The following MAGI2 variants were observed in gnomAD, a reference collection of about 807,000 sequenced individuals.
MAGI2 encodes the protein membrane-associated guanylate kinase, WW and PDZ domain-containing protein 2.
Under a neutral mutation model 133.3 loss-of-function variants are expected in MAGI2, and 35 were observed. That is an observed-to-expected ratio of 0.26 (90% CI 0.20 to 0.35). MAGI2 has a LOEUF of 0.35. MAGI2 is among the 10% of genes least tolerant of loss of function. The probability of loss-of-function intolerance (pLI) is 1.00; values close to 1 mark genes in which losing one functional copy is unlikely to be tolerated. For missense variants in MAGI2, 1,636 were observed against 1,863.4 expected, an observed-to-expected ratio of 0.88 and a Z score of 2.25; for synonymous variants, 729 against 710.6, an observed-to-expected ratio of 1.03 and a Z score of -0.41.
At chr7:78,080,946 T>C (rs532027680) in intron 20 of MAGI2, among the ~76,000 whole-genome samples, 62 of 152,278 alleles carry the variant, frequency 4.1e-4, no homozygotes, top group Middle Eastern at 6.8e-3. Flanking sequence ...ATTCCAGTAT[T>C]CCCCTGTCCC....
intron 21 of MAGI2, among the ~76,000 whole-genome samples, chr7:78,041,980 G>A (rs892379757): frequency 5.3e-5 from 8 of 152,278 alleles, no homozygotes; most frequent in African/African-American, 1.9e-4. Context: ...GCCGCATTGC[G>A]GACTGGCAGA....
chr7:79,449,783 T>C (rs62459011), intron 1 of MAGI2, among the ~76,000 whole-genome samples: 377 of 151,642 alleles, frequency 2.5e-3, no homozygotes, highest in Non-Finnish European at 4.7e-3. Flanking sequence ...GCAGAAAGCT[T>C]AAATTAAAAA....
chr7:79,120,853 T>C (rs1819833079), intron 1 of MAGI2, among the ~76,000 whole-genome samples: 1 of 152,100 alleles, frequency 6.6e-6, no homozygotes, highest in Non-Finnish European at 1.5e-5. Flanking sequence ...CCGAAACTAC[T>C]TCTCTCCCAT....
intron 21 of MAGI2, among the ~76,000 whole-genome samples, chr7:78,074,800 T>C (rs914616511): frequency 6.6e-6 from 1 of 152,216 alleles, no homozygotes; most frequent in African/African-American, 2.4e-5. Flanking sequence ...GGAGGAATTA[T>C]GGTGTTCCTA....
chr7:79,116,466 G>A (rs1819421416), intron 1 of MAGI2, among the ~76,000 whole-genome samples: 2 of 152,136 alleles, frequency 1.3e-5, no homozygotes, highest in African/African-American at 4.8e-5. Flanking sequence ...CTTCCTGGGA[G>A]GCCTATTGCT....
intron 21 of MAGI2, among the ~76,000 whole-genome samples, chr7:78,053,131 C>G (rs1303743090): frequency 2.0e-5 from 3 of 152,204 alleles, no homozygotes; most frequent in Non-Finnish European, 2.9e-5. Flanking sequence ...CTATAATTAA[C>G]ATGCAGTATT....
In MAGI2 at chr7:79,234,333, C is replaced by T. The variant is rs865819736; in HGVS notation, c.301+218687G>A. Reference sequence around the variant, plus strand: ...GTTCTCTGTATTTCCTGAATCTGAACGTTGGCCTGCCTTGTTAGATTGGGG... The same window carrying T: ...GTTCTCTGTATTTCCTGAATCTGAATGTTGGCCTGCCTTGTTAGATTGGGG... On this transcript the variant is annotated intron_variant, in intron 1 of 21. Coordinates refer to ENST00000354212, the MANE Select transcript of MAGI2 (RefSeq NM_012301.4). 6.7e-3 allele frequency among the ~76,000 whole-genome samples: 1,021 copies of T among 151,410 alleles called. 2 individuals carry two copies. Among genetic ancestry groups the T allele is most frequent in the Middle Eastern group, 0.017 (5 of 294 alleles).
chr7:78,242,162 A>G (rs186892811), intron 10 of MAGI2, among the ~76,000 whole-genome samples: 23 of 152,320 alleles, frequency 1.5e-4, no homozygotes, highest in Non-Finnish European at 2.9e-4. Context: ...GTTCTGGCCA[A>G]TTGAATGTGG....
chr7:78,415,945 T>A (rs897673359), intron 6 of MAGI2, among the ~76,000 whole-genome samples: 1 of 152,102 alleles, frequency 6.6e-6, no homozygotes, highest in South Asian at 2.1e-4. Flanking sequence ...CCAAGATGGA[T>A]AGAAATTTCT....
chr7:78,504,566 A>G (rs1794920945), intron 4 of MAGI2, among the ~76,000 whole-genome samples: 1 of 152,192 alleles, frequency 6.6e-6, no homozygotes. Flanking sequence ...CAATGTGAGG[A>G]TAAGGTGGCC....
intron 10 of MAGI2, among the ~76,000 whole-genome samples, chr7:78,207,605 T>C (rs1403868988): frequency 6.6e-6 from 1 of 152,206 alleles, no homozygotes; most frequent in East Asian, 1.9e-4. Context: ...CTGATTCATG[T>C]ATTCCTTATT....
intron 2 of MAGI2, among the ~76,000 whole-genome samples, chr7:78,635,295 T>C (rs987337256): frequency 2.6e-5 from 4 of 152,344 alleles, no homozygotes; most frequent in Non-Finnish European, 5.9e-5. Context: ...TTTTTTGTCT[T>C]AGGAAGAAAA....
intron 1 of MAGI2, among the ~76,000 whole-genome samples, chr7:79,270,894 A>G (rs911301449): frequency 2.0e-5 from 3 of 152,060 alleles, no homozygotes; most frequent in Non-Finnish European, 2.9e-5. Context: ...TACATTTGAC[A>G]CTACCAATTT....
At chr7:79,294,041 G>C (rs945943423) in intron 1 of MAGI2, among the ~76,000 whole-genome samples, 1 of 152,014 alleles carries the variant, frequency 6.6e-6, no homozygotes, top group Non-Finnish European at 1.5e-5. Context: ...AAATTAGCCA[G>C]GTGTGCTGGC....
chr7:79,150,507 T>C (rs1045283685), intron 1 of MAGI2, among the ~76,000 whole-genome samples: 8 of 152,232 alleles, frequency 5.3e-5, no homozygotes, highest in Non-Finnish European at 7.3e-5. Flanking sequence ...CAGAAATTTA[T>C]ACTTGTCAAA....
chr7:78,912,613 A>G (rs950350112), intron 2 of MAGI2, among the ~76,000 whole-genome samples: 1 of 151,838 alleles, frequency 6.6e-6, no homozygotes, highest in African/African-American at 2.4e-5. Flanking sequence ...TTGGACTCCA[A>G]GTTCTTCAGT....
intron 1 of MAGI2, among the ~76,000 whole-genome samples, chr7:79,309,154 G>A (rs891920309): frequency 5.9e-5 from 9 of 151,634 alleles, no homozygotes; most frequent in African/African-American, 2.2e-4. Flanking sequence ...TTTTTATGCT[G>A]TCTAGCTTAA....
At chr7:79,011,180 C>T (rs1808051729) in intron 1 of MAGI2, 1 of 152,162 alleles carries the variant, frequency 6.6e-6, no homozygotes, top group African/African-American at 2.4e-5. Context: ...GAGGAGAAAA[C>T]ACCAAGTCCC....
intron 9 of MAGI2, among the ~76,000 whole-genome samples, chr7:78,305,724 G>A (rs533879000): frequency 3.8e-4 from 58 of 152,202 alleles, no homozygotes; most frequent in African/African-American, 1.3e-3. Context: ...ACATGAAAGA[G>A]CCTGTTCCTT....
Sources: allele counts gnomAD v4.1 joint callset (sites outside exome capture counted in the v4.1 genomes callset), GRCh38; gene constraint gnomAD v4.1.1; transcripts MANE v1.5; gene names NCBI Gene and HGNC (gene_info 2026-07-23, HGNC 2026-07-21).